The following XKR4 variants were observed in gnomAD, a reference collection of about 807,000 sequenced individuals.
The protein encoded by XKR4 is XK related 4.
Under a neutral mutation model 53.9 loss-of-function variants are expected in XKR4, and 12 were observed. That is an observed-to-expected ratio of 0.22 (90% CI 0.14 to 0.36). The LOEUF (loss-of-function observed/expected upper bound fraction) is 0.36, where lower values mean the gene tolerates loss of function less well. Among genes scored for constraint, XKR4 ranks in the 10% least tolerant of loss-of-function variants. The pLI, the probability that XKR4 is intolerant of heterozygous loss-of-function variation, is 1.00. For synonymous variants in XKR4, 354 were observed against 362.4 expected (o/e 0.98, Z 0.26); for missense variants, 799 against 859.5 (o/e 0.93, Z 0.88).
At chr8:55,420,565 C>T (rs1204189301) in intron 2 of XKR4, among the ~76,000 whole-genome samples, 1 of 140,742 alleles carries the variant, frequency 7.1e-6, no homozygotes, top group Non-Finnish European at 1.5e-5. Context: ...TATTCTCACT[C>T]ATAGGTCGGA....
intron 1 of XKR4, among the ~76,000 whole-genome samples, chr8:55,267,234 C>T (rs933807286): frequency 6.6e-6 from 1 of 151,662 alleles, no homozygotes; most frequent in Non-Finnish European, 1.5e-5. Context: ...GAAAAAAAAA[C>T]CTATGGGTTA....
At chr8:55,339,614 T>C (rs1803511797) in intron 1 of XKR4, among the ~76,000 whole-genome samples, 1 of 152,204 alleles carries the variant, frequency 6.6e-6, no homozygotes, top group Admixed American at 6.5e-5. Flanking sequence ...TTTTCTTTAA[T>C]GTTAGCAAGT....
intron 1 of XKR4, among the ~76,000 whole-genome samples, chr8:55,310,290 G>A (rs1016121747): frequency 1.6e-4 from 24 of 151,996 alleles, no homozygotes; most frequent in Non-Finnish European, 3.4e-4. Context: ...TGGGCTCCGG[G>A]GTCAGACTTC....
intron 1 of XKR4, among the ~76,000 whole-genome samples, chr8:55,264,071 A>G (rs1404924272): frequency 1.3e-5 from 2 of 152,158 alleles, no homozygotes; most frequent in Non-Finnish European, 2.9e-5. Context: ...TCCCTTGCTC[A>G]TCTTACTGCT....
chr8:55,523,920 T>A lies in XKR4; in HGVS notation c.1646T>A (p.Ile549Asn). Reference sequence around the variant, plus strand: ...GTGGCCACAAGCACCCTACGGTCCATCTCCAACAACCGCAGTGTTGTCAGC... The same window carrying A: ...GTGGCCACAAGCACCCTACGGTCCAACTCCAACAACCGCAGTGTTGTCAGC... ...PDVATSTLRS[I>N]SNNRSVVSDR... Residue 549 changes from isoleucine (I) to asparagine (N), a missense_variant, in exon 3 of 3, where the codon ATC (isoleucine) becomes AAC (asparagine). This residue lies in a region of XKR4 where 269 missense variants were observed against 264.4 expected (regional missense o/e 1.02). Transcript: ENST00000327381. 6.2e-7 allele frequency: 1 copy of A among 1,614,152 alleles called. No homozygotes were observed. The highest frequency in any genetic ancestry group is 8.5e-7 in the Non-Finnish European group (1 of 1,180,022).
rs1554527639 is a variant in XKR4, at chr8:55,457,146, C to CTTTTTTT, written c.1007-66127_1007-66121dup. 4.5e-3 allele frequency among the ~76,000 whole-genome samples: 621 copies of CTTTTTTT among 137,226 alleles called. 7 individuals carry two copies. Among genetic ancestry groups the CTTTTTTT allele is most frequent in the African/African-American group, 0.016 (586 of 37,714 alleles). 90.0% of individuals were successfully genotyped at this position (137,226 alleles called of 152,430 possible). A position where few individuals can be genotyped will look rare whatever the true frequency, so the allele number is the denominator to read the frequency against. ...CAAGTGCTGAATTTTTTTTCCTTTT[C>CTTTTTTT]TTTTTTTTTTTTTTGAGACTGAGTC... is the stretch of plus-strand genomic sequence containing the variant. On this transcript the variant is annotated intron_variant, in intron 2 of 2. Coordinates refer to ENST00000327381, the MANE Select transcript of XKR4 (RefSeq NM_052898.2).
chr8:55,379,312 A>G (rs1283166017), intron 2 of XKR4, among the ~76,000 whole-genome samples: 2 of 152,184 alleles, frequency 1.3e-5, no homozygotes, highest in African/African-American at 4.8e-5. Context: ...TTCATAGTCC[A>G]TCCCCCAATA....
chr8:55,206,290 T>C (rs1350446401), intron 1 of XKR4, among the ~76,000 whole-genome samples: 1 of 152,032 alleles, frequency 6.6e-6, no homozygotes, highest in African/African-American at 2.4e-5. Context: ...TTTTACAGAG[T>C]GCTGATTGGT....
intron 2 of XKR4, among the ~76,000 whole-genome samples, chr8:55,506,098 G>C (rs181066508): frequency 6.6e-6 from 1 of 152,234 alleles, no homozygotes; most frequent in South Asian, 2.1e-4. Context: ...GACAGAATGA[G>C]ATTCCCCTTG....
At position 55,535,143 on chromosome 8, in the gene XKR4, G is replaced by A. The variant is rs1807012786; in HGVS notation, c.*10916G>A. On this transcript the variant is annotated 3_prime_UTR_variant, in exon 3 of 3. Coordinates refer to ENST00000327381, the MANE Select transcript of XKR4 (RefSeq NM_052898.2). ...TAGCATCACGGCGAGTCAGTTTTCA[G>A]AACTAGCTCTTGGCGCAAGCCCTGA... The A allele has an allele frequency of 6.6e-6, 1 of 151,834 alleles. No homozygotes were observed. Among genetic ancestry groups the A allele is most frequent in the Non-Finnish European group, 1.5e-5 (1 of 68,012 alleles). 9.4% of individuals were successfully genotyped at this position (151,834 alleles called of 1,614,324 possible).
At chr8:55,335,351 T>TA (rs953201720) in intron 1 of XKR4, among the ~76,000 whole-genome samples, 5 of 151,654 alleles carry the variant, frequency 3.3e-5, no homozygotes, top group South Asian at 2.1e-4. Context: ...TGCAGCAGTT[T>TA]AAAAAAAAAT....
intron 1 of XKR4, among the ~76,000 whole-genome samples, chr8:55,274,276 C>G (rs1207407874): frequency 4.6e-5 from 7 of 152,210 alleles, no homozygotes; most frequent in Admixed American, 4.6e-4. Context: ...TCTTTTCTCA[C>G]AGTTCTGCAG....
rs116872781 is a variant in XKR4, at chr8:55,299,776, G to T, written c.807-57902G>T. ...AGGTGCCTGATCCTCTAAGGCTGGA[G>T]GTGGGATATAGGGAAAGCAGCTCTG... On this transcript the variant is annotated intron_variant, in intron 1 of 2. Transcript: ENST00000327381. Among the ~76,000 whole-genome samples, 19 of 152,272 alleles carry T rather than the reference G, an allele frequency of 1.2e-4. No individual in the cohort carries two copies. The East Asian group carries it at 3.7e-3, about 29-fold the overall frequency.
intron 1 of XKR4, among the ~76,000 whole-genome samples, chr8:55,115,521 A>T (rs1816293596): frequency 6.6e-6 from 1 of 152,168 alleles, no homozygotes; most frequent in South Asian, 2.1e-4. Context: ...GTGGTGGCTC[A>T]CACCTGTAAT....
chr8:55,193,595 C>T (rs145140055), intron 1 of XKR4, among the ~76,000 whole-genome samples: 11 of 152,310 alleles, frequency 7.2e-5, no homozygotes, highest in South Asian at 2.1e-4. Flanking sequence ...TAGATCCCTT[C>T]GGGAGCAAGT....
intron 1 of XKR4, among the ~76,000 whole-genome samples, chr8:55,302,129 G>C (rs1233100076): frequency 6.6e-6 from 1 of 152,012 alleles, no homozygotes; most frequent in African/African-American, 2.4e-5. Context: ...ATGGTTTTAG[G>C]TCTAACATTT....
intron 1 of XKR4, among the ~76,000 whole-genome samples, chr8:55,129,336 C>G (rs1816521919): frequency 6.6e-6 from 1 of 152,230 alleles, no homozygotes; most frequent in African/African-American, 2.4e-5. Flanking sequence ...ATTCTCCTAT[C>G]CGTTCTCACT....
chr8:55,167,237 A>G (rs1386459186), intron 1 of XKR4, among the ~76,000 whole-genome samples: 1 of 152,238 alleles, frequency 6.6e-6, no homozygotes, highest in Non-Finnish European at 1.5e-5. Flanking sequence ...GAGGTATATT[A>G]TAAGTTCTGT....
At chr8:55,296,899 G>C (rs1168151383) in intron 1 of XKR4, among the ~76,000 whole-genome samples, 4 of 152,104 alleles carry the variant, frequency 2.6e-5, no homozygotes, top group Admixed American at 6.6e-5. Flanking sequence ...ATACAAGAAA[G>C]AATAAGGGCC....
Sources: gnomAD v4.1 joint callset for allele counts (sites outside exome capture counted in the v4.1 genomes callset) on GRCh38, gnomAD v4.1.1 for gene constraint, gnomAD v4.1.1 regional missense constraint, MANE v1.5 for transcripts, NCBI Gene and HGNC (gene_info 2026-07-23, HGNC 2026-07-21) for gene names.